Variants in JAKMIP2 observed in about 807,000 individuals in gnomAD.
JAKMIP2 encodes janus kinase and microtubule-interacting protein 2.
In JAKMIP2, 25 loss-of-function variants were observed where a neutral mutation model predicts 115.0. The ratio of observed to expected loss-of-function variants is 0.22; its 90% confidence interval spans 0.16 to 0.30. The LOEUF (loss-of-function observed/expected upper bound fraction) is 0.30. JAKMIP2 is among the 10% of genes least tolerant of loss of function. JAKMIP2 has a pLI of 1.00. For synonymous variants in JAKMIP2, 334 were observed against 343.6 expected, an observed-to-expected ratio of 0.97 and a Z score of 0.31; for missense variants, 642 against 957.6, an observed-to-expected ratio of 0.67 and a Z score of 4.35.
intron 15 of JAKMIP2, 148 bp from the exon 16 acceptor site, chr5:147,628,964 A>G: frequency 1.8e-6 from 1 of 568,054 alleles, no homozygotes; most frequent in Non-Finnish European, 3.1e-6. Flanking sequence ...ATAATTCTGA[A>G]CAAAGAGTTA....
intron 1 of JAKMIP2, among the ~76,000 whole-genome samples, chr5:147,695,677 TGA>T (rs10687365): frequency 2.0e-5 from 3 of 147,006 alleles, no homozygotes; most frequent in African/African-American, 7.5e-5. Flanking sequence ...TGTGTGTGTG[TGA>T]GAGAGAGAGA....
intron 19 of JAKMIP2, among the ~76,000 whole-genome samples, chr5:147,615,391 T>C (rs1756520509): frequency 6.6e-6 from 1 of 151,954 alleles, no homozygotes; most frequent in Non-Finnish European, 1.5e-5. Flanking sequence ...GGCTTAGAGG[T>C]GGAAAATCAC....
chr5:147,639,716 T>C lies in JAKMIP2; in HGVS notation c.1446A>G (p.Thr482=). 2 of 1,614,022 alleles carry C rather than the reference T, an allele frequency of 1.2e-6. No individual in the cohort carries two copies. Among genetic ancestry groups the C allele is most frequent in the Non-Finnish European group, 1.7e-6 (2 of 1,179,924 alleles). ...CTCTTTGGAGGGCCTGATATTCTTT[T>C]GTTAATTGTCGAAATCTTAGTTCAG... ...EESELRFRQL[T]KEYQALQRAY... is the part of the protein sequence containing the mutation. Residue 482 remains threonine, a synonymous_variant, in exon 10 of 22, where the codon ACA becomes ACG. Coordinates refer to ENST00000616793, the MANE Select transcript of JAKMIP2 (RefSeq NM_001270941.2).
chr5:147,621,821 G>T (rs8180519), intron 17 of JAKMIP2, among the ~76,000 whole-genome samples: 35,868 of 152,040 alleles, frequency 0.24, 5,503 homozygotes, highest in East Asian at 0.46. Flanking sequence ...AGGAATCCAC[G>T]ACGTTTTCTA....
intron 16 of JAKMIP2, 77 bp downstream of exon 16, chr5:147,628,674 T>C (rs1561500987): frequency 9.5e-7 from 1 of 1,051,912 alleles, no homozygotes; most frequent in African/African-American, 1.6e-5. Flanking sequence ...AGAGGGAATG[T>C]CCTTCACACC....
At chr5:147,659,085 T>C (rs1247854463) in intron 3 of JAKMIP2, among the ~76,000 whole-genome samples, 4 of 139,616 alleles carry the variant, frequency 2.9e-5, no homozygotes, top group Non-Finnish European at 4.5e-5. Flanking sequence ...CAGGCATCGC[T>C]GGAGTATGAA....
At chr5:147,751,166 G>A (rs1315223719) in intron 1 of JAKMIP2, among the ~76,000 whole-genome samples, 1 of 151,614 alleles carries the variant, frequency 6.6e-6, no homozygotes, top group Non-Finnish European at 1.5e-5. Flanking sequence ...CCGCCTACCG[G>A]ATTCAAGTGA....
chr5:147,702,579 GGAAAGAAA>G (rs796114959), intron 1 of JAKMIP2, among the ~76,000 whole-genome samples: 8 of 80,504 alleles, frequency 9.9e-5, no homozygotes, highest in African/African-American at 3.7e-4. Context: ...AAAGAAAGAA[GGAAAGAAA>G]GAAAGAAAGA....
chr5:147,672,394 C>A (rs2126808427), intron 1 of JAKMIP2, among the ~76,000 whole-genome samples: 1 of 152,312 alleles, frequency 6.6e-6, no homozygotes, highest in Non-Finnish European at 1.5e-5. Context: ...AATAGCTAAA[C>A]TGTGAGAAGT....
chr5:147,650,613 G>A (rs1431931668), intron 3 of JAKMIP2, 66 bp from the exon 4 acceptor site: 4 of 1,263,100 alleles, frequency 3.2e-6, no homozygotes, highest in African/African-American at 3.0e-5. Context: ...TTTTACAATG[G>A]TGTAGGTTTA....
At chr5:147,593,957 T>G (rs1441149442) in intron 21 of JAKMIP2, among the ~76,000 whole-genome samples, 1 of 152,242 alleles carries the variant, frequency 6.6e-6, no homozygotes, top group Non-Finnish European at 1.5e-5. Flanking sequence ...AAACTTTCAA[T>G]GTATAGCATA....
chr5:147,653,715 T>G (rs1758527520), intron 3 of JAKMIP2, among the ~76,000 whole-genome samples: 1 of 152,210 alleles, frequency 6.6e-6, no homozygotes, highest in Non-Finnish European at 1.5e-5. Flanking sequence ...TTTAGTTTAA[T>G]TGGATCCCAT....
In JAKMIP2 at chr5:147,588,765, T is replaced by A. The variant is rs1259385077; in HGVS notation, c.*2942A>T. On this transcript the variant is annotated 3_prime_UTR_variant, in exon 22 of 22. Transcript: ENST00000616793. ...CTGCTTGGACAATCATCCTAGCTGT[T>A]GTTCTCATATGACTTATAGCAGATA... 6.6e-6 allele frequency: 1 copy of A among 152,164 alleles called. No homozygotes were observed. Among genetic ancestry groups the A allele is most frequent in the Admixed American group, 6.5e-5 (1 of 15,268 alleles). The allele number at this position is 152,164 out of a possible 1,614,324, so 9.4% of individuals were successfully genotyped here. A position where few individuals can be genotyped will look rare whatever the true frequency, so the allele number is the denominator to read the frequency against.
chr5:147,720,890 G>A (rs1223201488), intron 1 of JAKMIP2, among the ~76,000 whole-genome samples: 1 of 152,228 alleles, frequency 6.6e-6, no homozygotes, highest in African/African-American at 2.4e-5. Context: ...CATTGCTGGT[G>A]AGGAACTGCA....
chr5:147,718,721 A>G (rs962468456), intron 1 of JAKMIP2, among the ~76,000 whole-genome samples: 8 of 152,186 alleles, frequency 5.3e-5, no homozygotes, highest in African/African-American at 1.9e-4. Context: ...TATTGCGTCT[A>G]TTAGATTCTT....
intron 1 of JAKMIP2, among the ~76,000 whole-genome samples, chr5:147,721,498 G>A (rs368011267): frequency 4.6e-5 from 7 of 152,092 alleles, no homozygotes; most frequent in Admixed American, 3.9e-4. Flanking sequence ...AGCAATCAGC[G>A]AGACTCCGTG....
At chr5:147,697,955 A>C (rs1752171293) in intron 1 of JAKMIP2, among the ~76,000 whole-genome samples, 1 of 152,148 alleles carries the variant, frequency 6.6e-6, no homozygotes, top group Admixed American at 6.5e-5. Flanking sequence ...TGTCCTCCAG[A>C]CCCCAGAATG....
At chr5:147,728,219 G>C (rs1753594679) in intron 1 of JAKMIP2, among the ~76,000 whole-genome samples, 1 of 152,114 alleles carries the variant, frequency 6.6e-6, no homozygotes, top group Non-Finnish European at 1.5e-5. Context: ...TTTGGATTGG[G>C]AGAAGCATGC....
intron 1 of JAKMIP2, among the ~76,000 whole-genome samples, chr5:147,765,054 A>AGAAG (rs1174917666): frequency 2.7e-5 from 4 of 148,396 alleles, no homozygotes; most frequent in Non-Finnish European, 6.0e-5. Context: ...GAGAGAAGAG[A>AGAAG]GAAGGAAGGA....
Sources: gnomAD v4.1 joint callset for allele counts (sites outside exome capture counted in the v4.1 genomes callset) on GRCh38, gnomAD v4.1.1 for gene constraint, MANE v1.5 for transcripts, NCBI Gene and HGNC (gene_info 2026-07-23, HGNC 2026-07-21) for gene names.